DEPDC1B: variants seen among roughly 807,000 people sequenced by gnomAD.
The protein encoded by DEPDC1B is DEP domain-containing protein 1B.
DEPDC1B carries 51 observed loss-of-function variants against 66.5 expected under a neutral mutation model. That is an observed-to-expected ratio of 0.77 (90% CI 0.61 to 0.97). DEPDC1B has a LOEUF of 0.97. Ranked by LOEUF, DEPDC1B falls within the 50% of genes least tolerant of loss-of-function variation. The probability of loss-of-function intolerance (pLI) is 0.00; values close to 1 mark genes in which losing one functional copy is unlikely to be tolerated. For synonymous variants in DEPDC1B, 226 were observed against 223.6 expected (o/e 1.01, Z -0.10); for missense variants, 552 against 637.1 (o/e 0.87, Z 1.44).
intron 2 of DEPDC1B, among the ~76,000 whole-genome samples, chr5:60,655,585 C>T (rs754894901): frequency 1.3e-5 from 2 of 149,008 alleles, no homozygotes; most frequent in South Asian, 4.4e-4. Context: ...CTTTTTGTTT[C>T]GTTTATCATT....
chr5:60,684,410 A>C (rs185050580), intron 2 of DEPDC1B, among the ~76,000 whole-genome samples: 1 of 152,208 alleles, frequency 6.6e-6, no homozygotes, highest in Non-Finnish European at 1.5e-5. Context: ...CATAAACCAA[A>C]GGAACAGAAA....
chr5:60,609,569 T>C (rs527655558), intron 7 of DEPDC1B, among the ~76,000 whole-genome samples: 1 of 152,276 alleles, frequency 6.6e-6, no homozygotes, highest in African/African-American at 2.4e-5. Flanking sequence ...AAGGATGAGG[T>C]TCCTGTCACC....
chr5:60,603,363 A>T (rs1005405874), intron 9 of DEPDC1B, 28 bp downstream of exon 9: 2 of 1,494,192 alleles, frequency 1.3e-6, no homozygotes, highest in Admixed American at 2.5e-5. Context: ...TGCCAATTTC[A>T]TAGAACTGAT....
intron 9 of DEPDC1B, among the ~76,000 whole-genome samples, chr5:60,600,578 C>T (rs1049833458): frequency 1.1e-4 from 16 of 152,156 alleles, no homozygotes; most frequent in Non-Finnish European, 2.2e-4. Flanking sequence ...GTTCTGAGGG[C>T]TGAATGGAAC....
At position 60,645,492 on chromosome 5, in the gene DEPDC1B, T is replaced by TATCAA. The variant is rs1311157860; in HGVS notation, c.577_578insTTGAT (p.Tyr193PhefsTer13). On this transcript the variant is annotated frameshift_variant and splice_region_variant, in exon 4 of 11. Coordinates refer to ENST00000265036, the MANE Select transcript of DEPDC1B (RefSeq NM_018369.3). LOFTEE classifies it high-confidence loss of function. The stretch of plus-strand genomic sequence containing the variant: ...TCTCATTAATATCAAATGTACATAC[T>TATCAA]ATGATAATGTCATAGACTTCCATAT... 18 of 1,605,284 alleles carry TATCAA rather than the reference T, an allele frequency of 1.1e-5. 1 individual carries two copies. Among genetic ancestry groups the TATCAA allele is most frequent in the Admixed American group, 5.2e-5 (3 of 57,746 alleles).
At chr5:60,699,918 A>G (rs981836000) in intron 1 of DEPDC1B, 128 bp downstream of exon 1, 1 of 1,156,180 alleles carries the variant, frequency 8.6e-7, no homozygotes, top group Admixed American at 2.2e-5. Flanking sequence ...CAGTAGTCCC[A>G]GCTGAAATGC....
chr5:60,644,180 A>G (rs1212130957), intron 5 of DEPDC1B, among the ~76,000 whole-genome samples: 3 of 152,134 alleles, frequency 2.0e-5, no homozygotes, highest in African/African-American at 4.8e-5. Context: ...CCCTAACCAC[A>G]TTTTTACAAA....
At position 60,613,788 on chromosome 5, in the gene DEPDC1B, TTGTGTGTGTGTG is replaced by T. The variant is rs36109910; in HGVS notation, c.899-7944_899-7933del. ...TGAAAAAAGGTTGTTACATATGTATTTGTGTGTGTGTGTGTGTGTGTGTGTGTGTGTGTGTGT... is the reference window on the plus strand; with the variant it reads ...TGAAAAAAGGTTGTTACATATGTATTTGTGTGTGTGTGTGTGTGTGTGTGT... On this transcript the variant is annotated intron_variant, in intron 7 of 10. Coordinates refer to ENST00000265036, the MANE Select transcript of DEPDC1B (RefSeq NM_018369.3). Among the ~76,000 whole-genome samples, 18 of 103,312 alleles carry T rather than the reference TTGTGTGTGTGTG, an allele frequency of 1.7e-4. 1 individual carries two copies. Among genetic ancestry groups the T allele is most frequent in the Non-Finnish European group, 2.4e-4 (12 of 50,194 alleles). 67.8% of individuals were successfully genotyped at this position (103,312 alleles called of 152,430 possible).
At chr5:60,608,463 T>C (rs1457416927) in intron 7 of DEPDC1B, among the ~76,000 whole-genome samples, 2 of 148,314 alleles carry the variant, frequency 1.3e-5, no homozygotes, top group Admixed American at 6.8e-5. Context: ...ATATTTATTA[T>C]ATTATATTAT....
Position 60,634,488 on chromosome 5 carries a change from C to T in DEPDC1B, c.898+4262G>A, listed in dbSNP as rs1432063900. ...GAGATCGAGACCATCCTGGCTAACACGGTGAAACCCCGCCTCTACTAAAAA... is the reference window on the plus strand; with the variant it reads ...GAGATCGAGACCATCCTGGCTAACATGGTGAAACCCCGCCTCTACTAAAAA... On this transcript the variant is annotated intron_variant, in intron 7 of 10. Coordinates refer to ENST00000265036, the MANE Select transcript of DEPDC1B (RefSeq NM_018369.3). Among the ~76,000 whole-genome samples the T allele has an allele frequency of 1.3e-4, 19 of 151,726 alleles. No individual in the cohort carries two copies. The East Asian group carries it at 1.6e-3, about 12-fold the overall frequency.
intron 6 of DEPDC1B, among the ~76,000 whole-genome samples, chr5:60,639,230 T>C (rs1310685401): frequency 6.6e-6 from 1 of 152,202 alleles, no homozygotes; most frequent in Non-Finnish European, 1.5e-5. Flanking sequence ...TAAACAATAA[T>C]TTTCTTTGAA....
chr5:60,636,340 C>T (rs979089911), intron 7 of DEPDC1B, among the ~76,000 whole-genome samples: 2 of 152,168 alleles, frequency 1.3e-5, no homozygotes, highest in African/African-American at 4.8e-5. Flanking sequence ...TCAGTGATGA[C>T]TAACTGCTCT....
intron 6 of DEPDC1B, among the ~76,000 whole-genome samples, chr5:60,640,122 G>T (rs970948883): frequency 3.9e-5 from 6 of 152,108 alleles, no homozygotes. Flanking sequence ...AAAATAATTT[G>T]ATTGGCTAAA....
intron 7 of DEPDC1B, among the ~76,000 whole-genome samples, chr5:60,615,490 G>A (rs1246807334): frequency 6.6e-6 from 1 of 152,204 alleles, no homozygotes; most frequent in Non-Finnish European, 1.5e-5. Context: ...TGGCACACCA[G>A]GAGATTATAT....
intron 2 of DEPDC1B, among the ~76,000 whole-genome samples, chr5:60,660,509 A>ACAACC (rs1230842786): frequency 6.6e-6 from 1 of 152,220 alleles, no homozygotes; most frequent in African/African-American, 2.4e-5. Flanking sequence ...GAGGCCACTG[A>ACAACC]CAACCCACAG....
intron 7 of DEPDC1B, among the ~76,000 whole-genome samples, chr5:60,631,341 C>T (rs777942609): frequency 4.6e-5 from 7 of 152,202 alleles, no homozygotes; most frequent in Non-Finnish European, 7.3e-5. Flanking sequence ...GCTGTAACGA[C>T]GAAGACTCAT....
intron 7 of DEPDC1B, among the ~76,000 whole-genome samples, chr5:60,615,578 A>T (rs1388771684): frequency 6.6e-6 from 1 of 152,210 alleles, no homozygotes; most frequent in African/African-American, 2.4e-5. Context: ...TCAAACTGCA[A>T]GGTGGCAGCC....
intron 2 of DEPDC1B, among the ~76,000 whole-genome samples, chr5:60,648,735 T>C (rs1753377712): frequency 6.6e-6 from 1 of 152,146 alleles, no homozygotes; most frequent in Admixed American, 6.5e-5. Flanking sequence ...GTTCTGGAAA[T>C]CAGTAAATTA....
At chr5:60,660,214 A>G (rs1007470798) in intron 2 of DEPDC1B, among the ~76,000 whole-genome samples, 4 of 151,040 alleles carry the variant, frequency 2.6e-5, no homozygotes, top group Non-Finnish European at 5.9e-5. Flanking sequence ...CAGGAGACAG[A>G]AAGCGAGGAG....
Sources: gnomAD v4.1 joint callset for allele counts (sites outside exome capture counted in the v4.1 genomes callset) on GRCh38, gnomAD v4.1.1 for gene constraint, MANE v1.5 for transcripts, NCBI Gene and HGNC (gene_info 2026-07-23, HGNC 2026-07-21) for gene names.